The following SMYD4 variants were observed in gnomAD, a reference collection of about 807,000 sequenced individuals.
The protein encoded by SMYD4 is protein-lysine N-methyltransferase SMYD4.
Under a neutral mutation model 72.8 loss-of-function variants are expected in SMYD4, and 68 were observed. The observed-to-expected ratio is 0.93, with a 90% CI of 0.77 to 1.14. SMYD4 has a LOEUF of 1.14. Among genes scored for constraint, SMYD4 ranks in the 50% most tolerant of loss-of-function variants. SMYD4 has a pLI of 0.00. For synonymous variants in SMYD4, 407 were observed against 388.6 expected, an observed-to-expected ratio of 1.05 and a Z score of -0.56; for missense variants, 984 against 1,003.7, an observed-to-expected ratio of 0.98 and a Z score of 0.27.
intron 3 of SMYD4, among the ~76,000 whole-genome samples, chr17:1,808,245 C>G (rs184394864): frequency 7.2e-5 from 11 of 152,232 alleles, no homozygotes; most frequent in Admixed American, 7.2e-4. Context: ...GATGTGAAAT[C>G]AAGTACGGTT....
chr17:1,801,742 C>T (rs1211653188), intron 4 of SMYD4, among the ~76,000 whole-genome samples: 2 of 150,942 alleles, frequency 1.3e-5, no homozygotes, highest in Admixed American at 1.3e-4. Context: ...TTTAGGAGGC[C>T]GAGGCGAGCA....
rs796200695 is a variant in SMYD4 at position 1,779,945 on chromosome 17, G to C, written c.*1341C>G. On this transcript the variant is annotated 3_prime_UTR_variant, in exon 11 of 11. Coordinates refer to ENST00000305513, the MANE Select transcript of SMYD4 (RefSeq NM_052928.3). Reference sequence around the variant, plus strand: ...GAAACAGACTATCATCACTGAGCGAGGTGGAATCCAGCCAAAACCCCAGGC... The same window carrying C: ...GAAACAGACTATCATCACTGAGCGACGTGGAATCCAGCCAAAACCCCAGGC... The C allele has an allele frequency of 6.6e-6, 1 of 152,634 alleles. No individual in the cohort carries two copies. The highest frequency in any genetic ancestry group is 2.4e-5 in the African/African-American group (1 of 41,438). The allele number at this position is 152,634 out of a possible 1,614,324, so 9.5% of individuals were successfully genotyped here. A position where few individuals can be genotyped will look rare whatever the true frequency, so the allele number is the denominator to read the frequency against.
chr17:1,804,898 A>C (rs114246706), intron 3 of SMYD4, among the ~76,000 whole-genome samples, 183 bp from the exon 4 acceptor site: 1,613 of 152,328 alleles, frequency 0.011, 27 homozygotes, highest in African/African-American at 0.035. Flanking sequence ...AAGTGAGGAC[A>C]TCAGTATTAA....
rs1910092347 is a variant in SMYD4, at chr17:1,807,400, C to T, written c.280-2685G>A. Among the ~76,000 whole-genome samples the T allele has an allele frequency of 2.6e-5, 4 of 151,220 alleles. No homozygotes were observed. In the South Asian group the frequency reaches 8.3e-4, roughly 31 times the overall value. ...AGTGAAGTGGCGTGTTCTTGGCTCA[C>T]TAAAACTTCCGCGTACCGCCCCCCC... On this transcript the variant is annotated intron_variant, in intron 3 of 10. Coordinates refer to ENST00000305513, the MANE Select transcript of SMYD4 (RefSeq NM_052928.3).
chr17:1,800,391 A>G lies in SMYD4; in HGVS notation c.1003T>C (p.Cys335Arg). 1 of 1,614,182 alleles carries G rather than the reference A, an allele frequency of 6.2e-7. No individual in the cohort carries two copies. Among genetic ancestry groups the G allele is most frequent in the South Asian group, 1.1e-5 (1 of 91,086 alleles). Residue 335 changes from cysteine (C) to arginine (R), a missense_variant, in exon 5 of 11, where the codon TGT (cysteine) becomes CGT (arginine). By Grantham distance (180) the Cys-to-Arg change is radical. Transcript: ENST00000305513. ...GTGAGAAGCAGCCCTCCCAGAGGAC[A>G]TTCTGTCCTGTGGTAGAGCTCCCAG... is the stretch of plus-strand genomic sequence containing the variant. ...QAWELYHRTE[C>R]PLGGLLLTLG...
At chr17:1,806,043 T>C (rs7225697) in intron 3 of SMYD4, among the ~76,000 whole-genome samples, 112,179 of 150,342 alleles carry the variant, frequency 0.75, 42,815 homozygotes, top group African/African-American at 0.81. Context: ...CCTGCCTCAG[T>C]GCCCCCGAGT....
At position 1,794,411 on chromosome 17, in the gene SMYD4, G is replaced by A. The variant is rs369192429; in HGVS notation, c.1537+5446C>T. On this transcript the variant is annotated intron_variant, in intron 5 of 10. Coordinates refer to ENST00000305513, the MANE Select transcript of SMYD4 (RefSeq NM_052928.3). ...TGGGATTACAGGCCTGAGCCAACAC[G>A]CCCGGCCATCCTTTATCTTCCTAAC... Among the ~76,000 whole-genome samples, 29 of 150,850 alleles carry A rather than the reference G, an allele frequency of 1.9e-4. No homozygotes were observed. In the East Asian group the frequency reaches 4.7e-3, roughly 24 times the overall value.
At chr17:1,789,691 G>T (rs1210725451) in intron 5 of SMYD4, among the ~76,000 whole-genome samples, 1 of 146,200 alleles carries the variant, frequency 6.8e-6, no homozygotes, top group Admixed American at 7.0e-5. Context: ...CTTGAAACTG[G>T]GAGGTGGAGG....
chr17:1,788,297 A>G (rs1422692172), intron 5 of SMYD4, among the ~76,000 whole-genome samples: 1 of 151,700 alleles, frequency 6.6e-6, no homozygotes, highest in Non-Finnish European at 1.5e-5. Context: ...GGCTGCAGTG[A>G]GCCAGGATTG....
At position 1,800,599 on chromosome 17, in the gene SMYD4, A is replaced by G. The variant is rs1909676222; in HGVS notation, c.795T>C (p.Phe265=). The G allele has an allele frequency of 6.2e-7, 1 of 1,614,144 alleles. No homozygotes were observed. The highest frequency in any genetic ancestry group is 1.3e-5 in the African/African-American group (1 of 75,064). The change falls in exon 5 of 11, where the codon TTT becomes TTC. Residue 265 remains phenylalanine (F), a synonymous_variant. Coordinates refer to ENST00000305513, the MANE Select transcript of SMYD4 (RefSeq NM_052928.3). ...PGELLVQEDA[F]VSVLNPGELP... ...GTTCTCCTGGGTTGAGAACACTCAC[A>G]AAAGCATCCTCCTGCACCAGGAGCT...
Position 1,800,830 on chromosome 17 carries a change from C to T in SMYD4, c.564G>A (p.Gln188=). 6.2e-6 allele frequency: 10 copies of T among 1,614,198 alleles called. No individual in the cohort carries two copies. The highest frequency in any genetic ancestry group is 8.5e-6 in the Non-Finnish European group (10 of 1,180,042). ...TCATTTTCAGACGATGGAGGTTTCT[C>T]TGCAGAGTCTGAGGGAGGACATCTG... is the stretch of plus-strand genomic sequence containing the variant. ...ALADVLPQTL[Q]RNLHRLKMKM... is the part of the protein sequence containing the mutation. The change falls in exon 5 of 11, where the codon CAG becomes CAA. Residue 188 remains glutamine, a synonymous_variant. Transcript: ENST00000305513.
At chr17:1,815,369 T>C (rs937769122) in intron 2 of SMYD4, among the ~76,000 whole-genome samples, 10 of 151,948 alleles carry the variant, frequency 6.6e-5, no homozygotes, top group African/African-American at 1.2e-4. Context: ...AGAATACTTT[T>C]TTGATTTTTT....
chr17:1,817,825 A>C (rs1242111565), intron 2 of SMYD4, among the ~76,000 whole-genome samples: 1 of 152,006 alleles, frequency 6.6e-6, no homozygotes, highest in Non-Finnish European at 1.5e-5. Flanking sequence ...AGGTGGGCGG[A>C]TCACGAGGTC....
At chr17:1,794,019 ATGTG>A (rs1555575666) in intron 5 of SMYD4, among the ~76,000 whole-genome samples, 4 of 68,280 alleles carry the variant, frequency 5.9e-5, no homozygotes, top group African/African-American at 5.1e-5. Context: ...ATATATATAT[ATGTG>A]TGTATATATA....
chr17:1,783,270 G>T (rs79308180), intron 9 of SMYD4, 90 bp downstream of exon 9: 44 of 1,608,966 alleles, frequency 2.7e-5, no homozygotes, highest in South Asian at 2.2e-4. Flanking sequence ...TTTACAGAGC[G>T]GGGGGTAACC....
intron 8 of SMYD4, 108 bp from the exon 9 acceptor site, chr17:1,783,584 C>A (rs754142869): frequency 7.4e-5 from 110 of 1,488,206 alleles, no homozygotes; most frequent in Non-Finnish European, 9.8e-5. Flanking sequence ...GTGGAAATTC[C>A]CCCTGGCCTC....
chr17:1,801,536 A>G (rs1909755780), intron 4 of SMYD4, among the ~76,000 whole-genome samples: 2 of 148,382 alleles, frequency 1.3e-5, no homozygotes, highest in Admixed American at 6.8e-5. Context: ...CACTGCGCCC[A>G]GCCCCTGGAT....
intron 7 of SMYD4, 41 bp from the exon 8 acceptor site, chr17:1,784,502 A>G (rs3815612): frequency 0.72 from 1,164,403 of 1,611,116 alleles, 423,423 homozygotes; most frequent in African/African-American, 0.9. Context: ...TGCCAGGGTC[A>G]GTTATCAACA....
intron 5 of SMYD4, among the ~76,000 whole-genome samples, chr17:1,793,673 G>A (rs1909181368): frequency 6.6e-6 from 1 of 151,978 alleles, no homozygotes; most frequent in South Asian, 2.1e-4. Context: ...ATGTCAAGCT[G>A]CAAAGAGGCA....
Sources: gnomAD v4.1 joint callset for allele counts (sites outside exome capture counted in the v4.1 genomes callset) on GRCh38, gnomAD v4.1.1 for gene constraint, MANE v1.5 for transcripts, NCBI Gene and HGNC (gene_info 2026-07-23, HGNC 2026-07-21) for gene names.